The following GOSR2 variants were observed in gnomAD, a reference collection of about 807,000 sequenced individuals.
GOSR2 encodes golgi SNAP receptor complex member 2, also known as 27 kDa Golgi SNARE protein.
Under a neutral mutation model 27.9 loss-of-function variants are expected in GOSR2, and 20 were observed. That is an observed-to-expected ratio of 0.72 (90% CI 0.50 to 1.04). The LOEUF (loss-of-function observed/expected upper bound fraction) is 1.04, where lower values mean the gene tolerates loss of function less well. Ranked by LOEUF, GOSR2 falls within the 50% of genes least tolerant of loss-of-function variation. GOSR2 has a pLI of 0.00. For missense variants in GOSR2, 261 were observed against 270.5 expected (o/e 0.97, Z 0.25); for synonymous variants, 91 against 98.8 (o/e 0.92, Z 0.47).
In GOSR2 at chr17:46,939,041, C is replaced by G; in HGVS notation, c.*281C>G. ...TCTCACTGGGGGAGGGAAAGAATGG[C>G]TTTGGTGGCTTTGTTCACATAGCTG... is the stretch of plus-strand genomic sequence containing the variant. On this transcript the variant is annotated 3_prime_UTR_variant, in exon 6 of 6. Coordinates refer to ENST00000640051, the MANE Select transcript of GOSR2 (RefSeq NM_004287.5). 7.9e-7 allele frequency: 1 copy of G among 1,270,636 alleles called. No homozygotes were observed. Among genetic ancestry groups the G allele is most frequent in the Non-Finnish European group, 1.0e-6 (1 of 994,412 alleles). The allele number at this position is 1,270,636 out of a possible 1,614,324, so 78.7% of individuals were successfully genotyped here.
chr17:46,927,063 A>G (rs761692740), intron 1 of GOSR2, among the ~76,000 whole-genome samples: 26 of 152,336 alleles, frequency 1.7e-4, no homozygotes, highest in South Asian at 2.1e-4. Flanking sequence ...ATTAATGCAT[A>G]TGTCCCCAAA....
chr17:46,974,748 A>AAGT (rs1555726039), intron 6 of GOSR2, among the ~76,000 whole-genome samples: 1 of 147,156 alleles, frequency 6.8e-6, no homozygotes, highest in Non-Finnish European at 1.5e-5. Flanking sequence ...AAAAAAAAAA[A>AAGT]AGGTCATCTC....
chr17:46,936,397 C>G (rs1470068807), intron 5 of GOSR2: 1 of 985,240 alleles, frequency 1.0e-6, no homozygotes, highest in African/African-American at 1.7e-5. Flanking sequence ...ACACCTCTTG[C>G]CACCCACACT....
intron 6 of GOSR2, chr17:46,964,249 C>T (rs959847676): frequency 1.3e-5 from 2 of 152,220 alleles, no homozygotes; most frequent in African/African-American, 4.8e-5. Flanking sequence ...TCATCAAAAA[C>T]CCACTGAGAA....
chr17:46,938,740 G>T lies in GOSR2; in HGVS notation c.619G>T (p.Val207Leu), dbSNP rs780839289. 2.2e-5 allele frequency: 35 copies of T among 1,613,824 alleles called. No homozygotes were observed. Among genetic ancestry groups the T allele is most frequent in the Non-Finnish European group, 2.9e-5 (34 of 1,179,952 alleles). ...GCTGACCTGTGTGGTCATGTTCCTCGTGGTGCAGTACCTGACATGAGCCAG... is the reference window on the plus strand; with the variant it reads ...GCTGACCTGTGTGGTCATGTTCCTCTTGGTGCAGTACCTGACATGAGCCAG... ...MLLTCVVMFL[V>L]VQYLT is the part of the protein sequence containing the mutation. The change falls in exon 6 of 6, where the codon GTG becomes TTG. Residue 207 changes from valine (V) to leucine (L), a missense_variant. Transcript: ENST00000640051.
rs1288806365 is a variant in GOSR2, at chr17:46,939,367, CAAGT to C, written c.*611_*614del. 2 of 1,001,706 alleles carry C rather than the reference CAAGT, an allele frequency of 2.0e-6. No individual in the cohort carries two copies. Among genetic ancestry groups the C allele is most frequent in the African/African-American group, 1.7e-5 (1 of 57,806 alleles). 62.1% of individuals were successfully genotyped at this position (1,001,706 alleles called of 1,614,324 possible). A position where few individuals can be genotyped will look rare whatever the true frequency, so the allele number is the denominator to read the frequency against. The stretch of plus-strand genomic sequence containing the variant: ...CAAGATGTAGTGCTATTGCCGATAA[CAAGT>C]AAGATTTTCCACACTACAGCTGGGT... On this transcript the variant is annotated 3_prime_UTR_variant, in exon 6 of 6. Transcript: ENST00000640051.
At chr17:46,952,701 A>G (rs2090448958) in intron 6 of GOSR2, 1 of 152,254 alleles carries the variant, frequency 6.6e-6, no homozygotes, top group African/African-American at 2.4e-5. Flanking sequence ...TGATCCGAGA[A>G]GAAAGCAAAA....
chr17:46,939,194 G>C lies in GOSR2; in HGVS notation c.*434G>C. ...GAGCAAAAGTGGAAAGGAAAGGAAAGAGGCCTTTTCTCACAGCCATTATAT... is the reference window on the plus strand; with the variant it reads ...GAGCAAAAGTGGAAAGGAAAGGAAACAGGCCTTTTCTCACAGCCATTATAT... On this transcript the variant is annotated 3_prime_UTR_variant, in exon 6 of 6. Coordinates refer to ENST00000640051, the MANE Select transcript of GOSR2 (RefSeq NM_004287.5). 1 of 1,083,234 alleles carries C rather than the reference G, an allele frequency of 9.2e-7. No homozygotes were observed. The highest frequency in any genetic ancestry group is 4.5e-5 in the Admixed American group (1 of 22,432). 67.1% of individuals were successfully genotyped at this position (1,083,234 alleles called of 1,614,324 possible). A position where few individuals can be genotyped will look rare whatever the true frequency, so the allele number is the denominator to read the frequency against.
At chr17:46,971,292 G>T, downstream of GOSR2, among the ~76,000 whole-genome samples, 1 of 152,054 alleles carries the variant, frequency 6.6e-6, no homozygotes, top group East Asian at 1.9e-4. Flanking sequence ...AGCTGAGATC[G>T]CACTACTGCA....
chr17:46,959,431 G>A (rs2090928733), intron 6 of GOSR2, among the ~76,000 whole-genome samples: 1 of 152,138 alleles, frequency 6.6e-6, no homozygotes, highest in Non-Finnish European at 1.5e-5. Context: ...AGCTCAGATT[G>A]CCTTAAATCG....
Position 46,939,443 on chromosome 17 carries a change from C to T in GOSR2, c.*683C>T. 1.0e-6 allele frequency: 1 copy of T among 988,642 alleles called. No individual in the cohort carries two copies. The highest frequency in any genetic ancestry group is 1.2e-6 in the Non-Finnish European group (1 of 831,452). The allele number at this position is 988,642 out of a possible 1,614,324, so 61.2% of individuals were successfully genotyped here. On this transcript the variant is annotated 3_prime_UTR_variant, in exon 6 of 6. Transcript: ENST00000640051. ...GCCAGTGTTATTTCCCGGGAGTGTT[C>T]AGTCTTGACCCTAGTCACTGATTTT...
At chr17:46,951,586 T>C (rs1156523602) in intron 6 of GOSR2, among the ~76,000 whole-genome samples, 2 of 152,150 alleles carry the variant, frequency 1.3e-5, no homozygotes, top group Non-Finnish European at 2.9e-5. Flanking sequence ...CCCAGGGACT[T>C]TCTTTTGCCC....
rs2088895637 is a variant in GOSR2 at position 46,939,119 on chromosome 17, C to T, written c.*359C>T. On this transcript the variant is annotated 3_prime_UTR_variant, in exon 6 of 6. Coordinates refer to ENST00000640051, the MANE Select transcript of GOSR2 (RefSeq NM_004287.5). ...TGAGCCCTGTGTGCAGGACTGTCCACACGGTTCACACCTTGTCACCATCAG... is the reference window on the plus strand; with the variant it reads ...TGAGCCCTGTGTGCAGGACTGTCCATACGGTTCACACCTTGTCACCATCAG... 3 of 1,183,956 alleles carry T rather than the reference C, an allele frequency of 2.5e-6. No individual in the cohort carries two copies. The highest frequency in any genetic ancestry group is 3.2e-6 in the Non-Finnish European group (3 of 939,918). 73.3% of individuals were successfully genotyped at this position (1,183,956 alleles called of 1,614,324 possible).
downstream of GOSR2, among the ~76,000 whole-genome samples, chr17:46,968,283 C>T (rs115794969): frequency 4.7e-4 from 71 of 152,330 alleles, no homozygotes; most frequent in African/African-American, 1.5e-3. Flanking sequence ...CCTCTCCCTC[C>T]GCACTGTGGA....
At chr17:46,959,903 C>T (rs2090957310) in intron 6 of GOSR2, among the ~76,000 whole-genome samples, 1 of 152,196 alleles carries the variant, frequency 6.6e-6, no homozygotes, top group Admixed American at 6.5e-5. Context: ...GAGAGAGCTC[C>T]TCTAAAGGAA....
chr17:46,961,594 G>A (rs1212217995), intron 6 of GOSR2, among the ~76,000 whole-genome samples: 1 of 152,136 alleles, frequency 6.6e-6, no homozygotes, highest in Non-Finnish European at 1.5e-5. Context: ...TAAGATGATA[G>A]AAATAATCCA....
In GOSR2 at chr17:46,932,208, G is replaced by A. The variant is rs200210055; in HGVS notation, c.336+9G>A. On this transcript the variant is annotated intron_variant, in intron 4 of 5. Transcript: ENST00000640051. ...GAACCTTCACCACTAACGTAAGCCA[G>A]GCCCGTGGTGAGGGTCGGCCTGCAC... The A allele has an allele frequency of 1.1e-4, 182 of 1,613,970 alleles. No individual in the cohort carries two copies. The highest frequency in any genetic ancestry group is 1.5e-4 in the Non-Finnish European group (178 of 1,180,024).
In GOSR2 at chr17:46,974,747, A is replaced by AG. The variant is rs1568222565; in HGVS notation, c.616-452_616-451insG. On this transcript the variant is annotated intron_variant, in intron 6 of 6. Transcript: ENST00000640723. ...AGACTCTCTCTCAAAAAAAAAAAAA[A>AG]AAGGTCATCTCAAGTGAAACTGATT... Among the ~76,000 whole-genome samples the AG allele has an allele frequency of 3.3e-3, 151 of 45,112 alleles. 2 individuals carry two copies. The highest frequency in any genetic ancestry group is 4.5e-3 in the Non-Finnish European group (70 of 15,400). The allele number at this position is 45,112 out of a possible 152,430, so 29.6% of individuals were successfully genotyped here. A position where few individuals can be genotyped will look rare whatever the true frequency, so the allele number is the denominator to read the frequency against.
intron 6 of GOSR2, among the ~76,000 whole-genome samples, chr17:46,952,209 T>A (rs2090410075): frequency 6.6e-6 from 1 of 152,234 alleles, no homozygotes; most frequent in Non-Finnish European, 1.5e-5. Context: ...TTGTCTCTCC[T>A]TCCTGTGGAA....
Sources: gnomAD v4.1 joint callset for allele counts (sites outside exome capture counted in the v4.1 genomes callset) on GRCh38, gnomAD v4.1.1 for gene constraint, MANE v1.5 for transcripts, NCBI Gene and HGNC (gene_info 2026-07-23, HGNC 2026-07-21) for gene names.